ZYG11A: variants seen among roughly 807,000 people sequenced by gnomAD.
ZYG11A encodes zyg-11 family member A, cell cycle regulator.
Under a neutral mutation model 77.2 loss-of-function variants are expected in ZYG11A, and 62 were observed. The ratio of observed to expected loss-of-function variants is 0.80; its 90% CI spans 0.65 to 0.99. The LOEUF (loss-of-function observed/expected upper bound fraction) is 0.99, where lower values mean the gene tolerates loss of function less well. ZYG11A is among the 50% of genes least tolerant of loss of function. The pLI is 0.00. For missense variants in ZYG11A, 828 were observed against 896.8 expected, an observed-to-expected ratio of 0.92 and a Z score of 0.98; for synonymous variants, 315 against 324.6, an observed-to-expected ratio of 0.97 and a Z score of 0.32.
chr1:52,893,543 T>C lies in ZYG11A; in HGVS notation c.*586T>C, dbSNP rs969995858. The stretch of plus-strand genomic sequence containing the variant: ...ACTTTGGGAGGCCAAGGCAGGTGGA[T>C]TGTCTGAACTCAGGAGTTCGAGATC... On this transcript the variant is annotated 3_prime_UTR_variant, in exon 14 of 14. Coordinates refer to ENST00000371528, the MANE Select transcript of ZYG11A (RefSeq NM_001004339.3). 6.6e-6 allele frequency: 1 copy of C among 152,354 alleles called. No individual in the cohort carries two copies. The highest frequency in any genetic ancestry group is 2.4e-5 in the African/African-American group (1 of 41,430). The allele number at this position is 152,354 out of a possible 1,614,324, so 9.4% of individuals were successfully genotyped here.
In ZYG11A at chr1:52,856,985, G is replaced by T. The variant is rs1214973096; in HGVS notation, c.257-13G>T. The T allele has an allele frequency of 6.6e-6, 10 of 1,516,812 alleles. No individual in the cohort carries two copies. The Admixed American group carries it at 1.9e-4, about 29-fold the overall frequency. The allele number at this position is 1,516,812 out of a possible 1,614,324, so 94.0% of individuals were successfully genotyped here. Reference sequence around the variant, plus strand: ...CTAGTTGTCATTACAAGTTGGTTCTGGTTCTTTCATAGGCAAGCTGACTGA... The same window carrying T: ...CTAGTTGTCATTACAAGTTGGTTCTTGTTCTTTCATAGGCAAGCTGACTGA... On this transcript the variant is annotated splice_polypyrimidine_tract_variant and intron_variant, in intron 2 of 13. Transcript: ENST00000371528.
intron 3 of ZYG11A, 140 bp downstream of exon 3, chr1:52,857,889 G>A: frequency 1.3e-5 from 8 of 610,088 alleles, no homozygotes; most frequent in Non-Finnish European, 2.1e-5. Context: ...AATAATTAAT[G>A]ATTATTATGT....
chr1:52,872,882 CAAAAAA>C (rs59422649), intron 8 of ZYG11A, among the ~76,000 whole-genome samples: 25 of 112,152 alleles, frequency 2.2e-4, no homozygotes, highest in African/African-American at 6.4e-4. Context: ...GACTCTGTCT[CAAAAAA>C]AAAAAAAAAA....
In ZYG11A at chr1:52,857,408, C is replaced by T; in HGVS notation, c.667C>T (p.Leu223=). The change falls in exon 3 of 14, where the codon CTG becomes TTG. Residue 223 remains leucine (L), a synonymous_variant. Transcript: ENST00000371528. ...TACTCTAGTCACTGATATTTCTGCACTGCTTACCTGTAAGGATCGATTGAA... is the reference window on the plus strand; with the variant it reads ...TACTCTAGTCACTGATATTTCTGCATTGCTTACCTGTAAGGATCGATTGAA... ...SNTLVTDISA[L]LTCKDRLKSL... 1.3e-6 allele frequency: 2 copies of T among 1,551,900 alleles called. No individual in the cohort carries two copies. Among genetic ancestry groups the T allele is most frequent in the Non-Finnish European group, 1.7e-6 (2 of 1,147,028 alleles).
At chr1:52,853,264 CT>C (rs1645747908) in intron 1 of ZYG11A, among the ~76,000 whole-genome samples, 1 of 152,200 alleles carries the variant, frequency 6.6e-6, no homozygotes, top group African/African-American at 2.4e-5. Context: ...ATGGTTTCTA[CT>C]TTATACCGTT....
chr1:52,860,962 T>TTCA, intron 4 of ZYG11A, 91 bp downstream of exon 4: 1 of 1,273,250 alleles, frequency 7.9e-7, no homozygotes, highest in Non-Finnish European at 1.1e-6. Flanking sequence ...ATAAATTATA[T>TTCA]GCTTTATTCT....
chr1:52,863,104 C>G (rs1449338749), intron 4 of ZYG11A, among the ~76,000 whole-genome samples: 1 of 152,054 alleles, frequency 6.6e-6, no homozygotes, highest in Non-Finnish European at 1.5e-5. Context: ...TGATGGCAAT[C>G]TAATGAAACT....
chr1:52,887,445 T>G (rs958660191), intron 13 of ZYG11A, among the ~76,000 whole-genome samples: 2 of 152,140 alleles, frequency 1.3e-5, no homozygotes, highest in African/African-American at 4.8e-5. Context: ...GTCTTTTCAC[T>G]CAACAGTTTA....
At position 52,894,449 on chromosome 1, in the gene ZYG11A, G is replaced by A. The variant is rs1249402235; in HGVS notation, c.*1492G>A. On this transcript the variant is annotated 3_prime_UTR_variant, in exon 14 of 14. Coordinates refer to ENST00000371528, the MANE Select transcript of ZYG11A (RefSeq NM_001004339.3). ...ATCAGAAGCTTACTTGATAAGCCTTGCGGAGCTGCTCTGAGGAATAGTGTG... is the reference window on the plus strand; with the variant it reads ...ATCAGAAGCTTACTTGATAAGCCTTACGGAGCTGCTCTGAGGAATAGTGTG... The A allele has an allele frequency of 6.6e-6, 1 of 152,230 alleles. No homozygotes were observed. Among genetic ancestry groups the A allele is most frequent in the Non-Finnish European group, 1.5e-5 (1 of 68,040 alleles). 9.4% of individuals were successfully genotyped at this position (152,230 alleles called of 1,614,324 possible).
intron 1 of ZYG11A, among the ~76,000 whole-genome samples, chr1:52,849,618 T>C (rs1277293868): frequency 6.6e-6 from 1 of 152,038 alleles, no homozygotes; most frequent in Non-Finnish European, 1.5e-5. Flanking sequence ...TCTGCCCGCC[T>C]CGGCCTCTAA....
chr1:52,881,744 A>T, intron 11 of ZYG11A, 79 bp downstream of exon 11: 20 of 1,127,106 alleles, frequency 1.8e-5, no homozygotes, highest in Non-Finnish European at 2.0e-5. Flanking sequence ...AATCATAATA[A>T]TATGATTGTA....
intron 8 of ZYG11A, among the ~76,000 whole-genome samples, chr1:52,874,731 G>A (rs1366613930): frequency 2.6e-5 from 4 of 152,102 alleles, no homozygotes; most frequent in African/African-American, 7.2e-5. Flanking sequence ...GCCGGGTGGG[G>A]TGGCACGAGC....
intron 8 of ZYG11A, among the ~76,000 whole-genome samples, chr1:52,868,100 G>T (rs1001703868): frequency 6.6e-6 from 1 of 151,236 alleles, no homozygotes; most frequent in African/African-American, 2.4e-5. Context: ...TGAGTAGCTG[G>T]GATTATAGGC....
At chr1:52,865,562 T>C (rs1646009250) in intron 5 of ZYG11A, among the ~76,000 whole-genome samples, 1 of 152,124 alleles carries the variant, frequency 6.6e-6, no homozygotes. Flanking sequence ...ACTTGAAACA[T>C]CCCAAATGTC....
In ZYG11A at chr1:52,857,482, A is replaced by G. The variant is rs372092054; in HGVS notation, c.741A>G (p.Gln247=). The G allele has an allele frequency of 1.0e-4, 156 of 1,552,168 alleles. 1 individual carries two copies. In the African/African-American group the frequency reaches 1.8e-3, roughly 18 times the overall value. ...AATGCCTGGCCATGACCAAATCACAAATTCTTGCAGTCATTAGAGAACTTA... is the reference window on the plus strand; with the variant it reads ...AATGCCTGGCCATGACCAAATCACAGATTCTTGCAGTCATTAGAGAACTTA... The part of the protein sequence containing the change: ...YLKCLAMTKS[Q]ILAVIRELKC... Residue 247 remains glutamine, a synonymous_variant, in exon 3 of 14, where the codon CAA becomes CAG. Coordinates refer to ENST00000371528, the MANE Select transcript of ZYG11A (RefSeq NM_001004339.3).
At chr1:52,854,678 T>C (rs1478223813) in intron 2 of ZYG11A, 48 bp downstream of exon 2, 4 of 1,419,438 alleles carry the variant, frequency 2.8e-6, no homozygotes, top group Middle Eastern at 1.8e-4. Flanking sequence ...ACTTTACTAT[T>C]TGAAAAGCAC....
chr1:52,885,754 C>G (rs771734468), intron 11 of ZYG11A, 79 bp from the exon 12 acceptor site: 4 of 1,089,970 alleles, frequency 3.7e-6, no homozygotes, highest in African/African-American at 3.2e-5. Flanking sequence ...TTTGTTCAAT[C>G]GTTCCCAGAT....
At chr1:52,850,701 G>A (rs192352236) in intron 1 of ZYG11A, among the ~76,000 whole-genome samples, 12 of 152,040 alleles carry the variant, frequency 7.9e-5, no homozygotes, top group East Asian at 3.9e-4. Context: ...TGATCTGCCC[G>A]CCTCGGCCTC....
intron 3 of ZYG11A, among the ~76,000 whole-genome samples, chr1:52,858,996 G>T (rs1645871144): frequency 6.6e-6 from 1 of 152,092 alleles, no homozygotes; most frequent in Non-Finnish European, 1.5e-5. Context: ...AAAGTGATTT[G>T]TATACTCATT....
Sources: allele counts gnomAD v4.1 joint callset (sites outside exome capture counted in the v4.1 genomes callset), GRCh38; gene constraint gnomAD v4.1.1; transcripts MANE v1.5; gene names NCBI Gene and HGNC (gene_info 2026-07-23, HGNC 2026-07-21).